HRH1: variants seen among roughly 807,000 people sequenced by gnomAD.
The protein encoded by HRH1 is histamine H1 receptor.
A neutral mutation model predicts 10.3 loss-of-function variants in HRH1; 6 were observed. The observed-to-expected ratio is 0.58, with a 90% CI of 0.32 to 1.15. The LOEUF (loss-of-function observed/expected upper bound fraction) is 1.15. Ranked by LOEUF, HRH1 falls within the 50% of genes most tolerant of loss-of-function variation. HRH1 has a pLI of 0.05. For missense variants in HRH1, 514 were observed against 615.3 expected (o/e 0.84, Z 1.74); for synonymous variants, 242 against 236.7 (o/e 1.02, Z -0.21).
chr3:11,186,046 T>A (rs1196633441), intron 1 of HRH1, among the ~76,000 whole-genome samples: 1 of 152,142 alleles, frequency 6.6e-6, no homozygotes, highest in African/African-American at 2.4e-5. Flanking sequence ...AGAATTCCCT[T>A]GCTCCTCCTG....
rs372239347 is a variant in HRH1 at position 11,240,223 on chromosome 3, A to T, written c.-35-18780A>T. Reference sequence around the variant, plus strand: ...TCATATTCAGCATTCTGCATCCCCTATGAACCAGCTTGAGGTTTCTACCTG... The same window carrying T: ...TCATATTCAGCATTCTGCATCCCCTTTGAACCAGCTTGAGGTTTCTACCTG... On this transcript the variant is annotated intron_variant, in intron 1 of 1. Transcript: ENST00000431010. 3.2e-4 allele frequency among the ~76,000 whole-genome samples: 48 copies of T among 152,240 alleles called. No homozygotes were observed. In the Middle Eastern group the frequency reaches 0.01, roughly 32 times the overall value.
chr3:11,153,760 C>T (rs1245202409), upstream of HRH1, among the ~76,000 whole-genome samples: 1 of 152,120 alleles, frequency 6.6e-6, no homozygotes, highest in Non-Finnish European at 1.5e-5. Flanking sequence ...GGGCCTCACC[C>T]CCACCCCACT....
chr3:11,237,561 C>T (rs557856470), intron 1 of HRH1, among the ~76,000 whole-genome samples: 7 of 150,922 alleles, frequency 4.6e-5, no homozygotes, highest in Non-Finnish European at 8.8e-5. Context: ...GTTACCAGCA[C>T]GGTAAACGAT....
At position 11,253,794 on chromosome 3, in the gene HRH1, T is replaced by C. The variant is rs776734975; in HGVS notation, c.-35-5209T>C. On this transcript the variant is annotated intron_variant, in intron 1 of 1. Transcript: ENST00000431010. ...AGCAGCCCTTTGTATCATGCTCCTT[T>C]CTTCTCCTGAGAATAAGATGTCTAA... Among the ~76,000 whole-genome samples, 48 of 152,308 alleles carry C rather than the reference T, an allele frequency of 3.2e-4. 2 individuals are homozygous for C. The Middle Eastern group carries it at 0.02, about 65-fold the overall frequency.
At chr3:11,184,636 G>C (rs1395464415) in intron 1 of HRH1, among the ~76,000 whole-genome samples, 1 of 152,080 alleles carries the variant, frequency 6.6e-6, no homozygotes, top group Non-Finnish European at 1.5e-5. Context: ...GCTAATCTTG[G>C]CCGGGCCCGA....
At chr3:11,233,083 A>AT (rs1264551909) in intron 1 of HRH1, among the ~76,000 whole-genome samples, 1 of 151,940 alleles carries the variant, frequency 6.6e-6, no homozygotes, top group South Asian at 2.1e-4. Context: ...TTTGATGTAT[A>AT]TTTGGGGGGC....
chr3:11,183,892 A>G (rs748699128), intron 1 of HRH1, among the ~76,000 whole-genome samples: 1 of 120,230 alleles, frequency 8.3e-6, no homozygotes. Context: ...AGCACTGGCC[A>G]TCTTATTCCC....
At chr3:11,198,900 T>TTA (rs57649188) in intron 1 of HRH1, among the ~76,000 whole-genome samples, 26 of 149,658 alleles carry the variant, frequency 1.7e-4, no homozygotes, top group African/African-American at 6.4e-4. Flanking sequence ...CTCTCTCTCT[T>TTA]TATACACACA....
At chr3:11,215,116 T>A (rs1361777336) in intron 1 of HRH1, among the ~76,000 whole-genome samples, 2 of 152,244 alleles carry the variant, frequency 1.3e-5, no homozygotes, top group African/African-American at 4.8e-5. Context: ...CTCTAGGTGA[T>A]AACTCAGAAA....
chr3:11,185,385 G>A (rs1937436171), intron 1 of HRH1, among the ~76,000 whole-genome samples: 1 of 152,166 alleles, frequency 6.6e-6, no homozygotes, highest in Admixed American at 6.5e-5. Context: ...TCACTCCCCT[G>A]ACCTCCCACA....
intron 1 of HRH1, among the ~76,000 whole-genome samples, chr3:11,241,034 T>C (rs980777219): frequency 3.3e-5 from 5 of 152,330 alleles, no homozygotes; most frequent in Admixed American, 2.0e-4. Context: ...GTGGAAAACA[T>C]TTCTTTATTT....
chr3:11,259,411 G>A lies in HRH1; in HGVS notation c.374G>A (p.Arg125His). Residue 125 changes from arginine (R) to histidine (H), a missense_variant, in exon 2 of 2, where the codon CGC (arginine) becomes CAC (histidine). Transcript: ENST00000431010. This position sits in a 1 kb window ranked among gnomAD's most constrained non-coding sequence, Gnocchi z 4.6. ...IFSVFILCID[R>H]YRSVQQPLRY... is the part of the protein sequence containing the mutation. ...AGTGTCTTCATCCTGTGCATTGATC[G>A]CTACCGCTCTGTCCAGCAGCCCCTC... is the stretch of plus-strand genomic sequence containing the variant. The A allele has an allele frequency of 3.7e-6, 6 of 1,613,780 alleles. No homozygotes were observed. The highest frequency in any genetic ancestry group is 5.1e-6 in the Non-Finnish European group (6 of 1,179,944).
intron 1 of HRH1, among the ~76,000 whole-genome samples, chr3:11,201,051 G>A (rs1937886728): frequency 6.6e-6 from 1 of 152,218 alleles, no homozygotes; most frequent in Non-Finnish European, 1.5e-5. Flanking sequence ...CCCTCAAAAT[G>A]CTGTGTGCAG....
In HRH1 at chr3:11,262,735, C is replaced by T. The variant is rs967844516; in HGVS notation, c.*2234C>T. The T allele has an allele frequency of 1.2e-5, 2 of 167,086 alleles. No homozygotes were observed. The highest frequency in any genetic ancestry group is 4.8e-5 in the African/African-American group (2 of 41,464). 10.4% of individuals were successfully genotyped at this position (167,086 alleles called of 1,614,324 possible). A position where few individuals can be genotyped will look rare whatever the true frequency, so the allele number is the denominator to read the frequency against. ...AGAGAACTGATTGTGAGCTCTGCCT[C>T]TGGGTCAGAGAGACCTGGATTTGAG... On this transcript the variant is annotated 3_prime_UTR_variant, in exon 2 of 2. Transcript: ENST00000431010.
At chr3:11,147,789 A>G (rs1936488415) in intron 1 of HRH1, among the ~76,000 whole-genome samples, 1 of 152,048 alleles carries the variant, frequency 6.6e-6, no homozygotes, top group African/African-American at 2.4e-5. Flanking sequence ...GACTTTCTAA[A>G]TATCATGATG....
At chr3:11,176,402 A>G (rs1937249874) in intron 1 of HRH1, among the ~76,000 whole-genome samples, 1 of 151,938 alleles carries the variant, frequency 6.6e-6, no homozygotes, top group South Asian at 2.1e-4. Context: ...CCCTCCCACT[A>G]TTTCCAGATG....
chr3:11,197,897 G>A (rs1937728429), intron 1 of HRH1, among the ~76,000 whole-genome samples: 1 of 152,146 alleles, frequency 6.6e-6, no homozygotes. Context: ...TTCCTGCTCT[G>A]CCTTTTATTA....
At chr3:11,189,728 A>G (rs1026390524) in intron 1 of HRH1, among the ~76,000 whole-genome samples, 2 of 151,912 alleles carry the variant, frequency 1.3e-5, no homozygotes, top group Non-Finnish European at 1.5e-5. Context: ...GTTCGAGACC[A>G]GCCTGGCCAA....
chr3:11,236,080 G>T (rs901110393), intron 1 of HRH1, among the ~76,000 whole-genome samples: 9 of 152,182 alleles, frequency 5.9e-5, no homozygotes, highest in African/African-American at 2.2e-4. Context: ...ATAACATCCA[G>T]AGTTTTAGTT....
Sources: gnomAD v4.1 joint callset for allele counts (sites outside exome capture counted in the v4.1 genomes callset) on GRCh38, gnomAD v4.1.1 for gene constraint, Gnocchi (gnomAD v3.1) non-coding constraint, MANE v1.5 for transcripts, NCBI Gene and HGNC (gene_info 2026-07-23, HGNC 2026-07-21) for gene names.